GPR173: variants seen among roughly 807,000 people sequenced by gnomAD.
GPR173 encodes the protein G protein-coupled receptor 173, also known as probable G protein-coupled receptor 173.
GPR173 carries 2 observed loss-of-function variants against 13.9 expected under a neutral mutation model. The observed-to-expected ratio is 0.14, with a 90% CI of 0.06 to 0.45. The LOEUF (loss-of-function observed/expected upper bound fraction) is 0.45, where lower values mean the gene tolerates loss of function less well. Ranked by LOEUF, GPR173 falls within the 20% of genes least tolerant of loss-of-function variation. The probability of loss-of-function intolerance (pLI) is 0.98; values close to 1 mark genes in which losing one functional copy is unlikely to be tolerated. For missense variants in GPR173, 202 were observed against 340.5 expected (o/e 0.59, Z 3.20); for synonymous variants, 131 against 141.0 (o/e 0.93, Z 0.50).
intron 1 of GPR173, among the ~76,000 whole-genome samples, chrX:53,072,065 A>T (rs782503011): frequency 1.9e-5 from 2 of 105,938 alleles, no homozygotes; most frequent in Non-Finnish European, 3.9e-5. Flanking sequence ...TCTGCGGAGG[A>T]AAACCCTCTC....
chrX:53,065,394 G>C (rs1932172367), intron 1 of GPR173: 1 of 111,991 alleles, frequency 8.9e-6, no homozygotes, highest in Non-Finnish European at 1.9e-5. Flanking sequence ...ATAACATTTT[G>C]GTTTCTCAGA....
Position 53,077,442 on chromosome X carries a change from G to C in GPR173, c.821G>C (p.Gly274Ala), listed in dbSNP as rs781934001. Residue 274 changes from glycine (G) to alanine (A), a missense_variant, in exon 2 of 2, where the codon GGC (glycine) becomes GCC (alanine). By Grantham distance (60) the Gly-to-Ala change is moderately conservative. Transcript: ENST00000332582. ...CATGCAGCCAGCCGGCGGCTACTGG[G>C]CATGGACGAGGTCAAGGGTGAAAAG... ...NGHAASRRLL[G>A]MDEVKGEKQL... is the part of the protein sequence containing the mutation. 4.1e-6 allele frequency: 5 copies of C among 1,208,396 alleles called. No individual in the cohort carries two copies. The highest frequency in any genetic ancestry group is 5.6e-6 in the Non-Finnish European group (5 of 894,107).
chrX:53,074,799 A>ATT (rs1932401624), intron 1 of GPR173, among the ~76,000 whole-genome samples: 1 of 97,324 alleles, frequency 1.0e-5, no homozygotes, highest in Admixed American at 1.3e-4. Flanking sequence ...ATAAAATTAT[A>ATT]TATATATAAA....
chrX:53,060,014 TTATA>T lies in GPR173; in HGVS notation c.-98+10545_-98+10548del, dbSNP rs371575080. On this transcript the variant is annotated intron_variant, in intron 1 of 1. Coordinates refer to ENST00000332582, the MANE Select transcript of GPR173 (RefSeq NM_018969.6). Reference sequence around the variant, plus strand: ...AAAAAAAAACAAAACAAAGTGTATATTATATATATATATATATACACACACACAC... The same window carrying T: ...AAAAAAAAACAAAACAAAGTGTATATTATATATATATATACACACACACAC... 1.0e-4 allele frequency among the ~76,000 whole-genome samples: 10 copies of T among 98,726 alleles called. No individual in the cohort carries two copies. In the South Asian group the frequency reaches 2.7e-3, roughly 27 times the overall value. The allele number at this position is 98,726 out of a possible 115,157, so 85.7% of individuals were successfully genotyped here.
chrX:53,071,479 TAAAATC>T (rs1267859906), intron 1 of GPR173, among the ~76,000 whole-genome samples: 1 of 111,925 alleles, frequency 8.9e-6, no homozygotes, highest in Non-Finnish European at 1.9e-5. Flanking sequence ...CGGGGTATGT[TAAAATC>T]AAGAGAAAAA....
chrX:53,072,663 T>G (rs1932278055), intron 1 of GPR173, among the ~76,000 whole-genome samples: 1 of 110,679 alleles, frequency 9.0e-6, no homozygotes, highest in African/African-American at 3.3e-5. Context: ...TCTCTTACAT[T>G]CAGTCTCTGT....
rs1932434443 is a variant in GPR173, at chrX:53,076,533, T to C, written c.-89T>C. 2 of 683,705 alleles carry C rather than the reference T, an allele frequency of 2.9e-6. No individual in the cohort carries two copies. Among genetic ancestry groups the C allele is most frequent in the Non-Finnish European group, 4.3e-6 (2 of 461,231 alleles). 56.3% of individuals were successfully genotyped at this position (683,705 alleles called of 1,213,427 possible). ...CTCATTCCCATTTGCAGGTGCAATG[T>C]AGCAGGACAACTCATGGAGCCCCCC... On this transcript the variant is annotated 5_prime_UTR_variant, in exon 2 of 2. The change abolishes the stop of an existing upstream ORF in the 5' untranslated region. Transcript: ENST00000332582.
chrX:53,066,786 C>T (rs1365337229), intron 1 of GPR173, among the ~76,000 whole-genome samples: 1 of 111,070 alleles, frequency 9.0e-6, no homozygotes, highest in Non-Finnish European at 1.9e-5. Context: ...TAAAACAACA[C>T]GGAAGGGTGT....
intron 1 of GPR173, among the ~76,000 whole-genome samples, chrX:53,062,569 CTTCTTTTTTTTTT>C (rs1844111368): frequency 1.3e-5 from 1 of 74,671 alleles, no homozygotes; most frequent in African/African-American, 5.6e-5. Flanking sequence ...ACATTGTCTT[CTTCTTTTTTTTTT>C]TTTTTTTTTT....
chrX:53,049,759 G>T (rs1931927277), intron 1 of GPR173, among the ~76,000 whole-genome samples: 1 of 111,640 alleles, frequency 9.0e-6, no homozygotes, highest in South Asian at 3.7e-4. Context: ...TTGCGTTTGG[G>T]CATGAGGCTG....
intron 1 of GPR173, among the ~76,000 whole-genome samples, chrX:53,061,180 G>A (rs903457992): frequency 5.6e-5 from 6 of 106,403 alleles, no homozygotes; most frequent in East Asian, 5.9e-4. Flanking sequence ...CCGAGATTGC[G>A]CCACTGCACT....
chrX:53,063,232 G>GTGGA (rs1230041912), intron 1 of GPR173, among the ~76,000 whole-genome samples: 1 of 110,746 alleles, frequency 9.0e-6, no homozygotes, highest in Non-Finnish European at 1.9e-5. Flanking sequence ...TTAGCACCAT[G>GTGGA]TGGACACCAT....
intron 1 of GPR173, among the ~76,000 whole-genome samples, chrX:53,069,971 G>A (rs1445209802): frequency 1.8e-5 from 2 of 110,737 alleles, no homozygotes; most frequent in Non-Finnish European, 3.8e-5. Context: ...TATATCTATA[G>A]GTCTCTGAGG....
chrX:53,057,474 C>T (rs1932055721), intron 1 of GPR173, among the ~76,000 whole-genome samples: 1 of 103,942 alleles, frequency 9.6e-6, no homozygotes, highest in Non-Finnish European at 2.0e-5. Context: ...CATGGTGGCT[C>T]ACACCTGTAA....
At chrX:53,073,028 G>C (rs1556804958) in intron 1 of GPR173, among the ~76,000 whole-genome samples, 1 of 110,920 alleles carries the variant, frequency 9.0e-6, no homozygotes. Context: ...TTGGAGACCA[G>C]CCTGGCTAGC....
chrX:53,058,924 G>T (rs1358562221), intron 1 of GPR173, among the ~76,000 whole-genome samples: 1 of 107,063 alleles, frequency 9.3e-6, no homozygotes, highest in African/African-American at 3.5e-5. Flanking sequence ...TTTCGTAGAA[G>T]AAAGACTATT....
intron 1 of GPR173, among the ~76,000 whole-genome samples, chrX:53,071,841 C>T (rs914702879): frequency 2.7e-5 from 3 of 111,695 alleles, no homozygotes; most frequent in Admixed American, 1.9e-4. Context: ...TGTGTGAGTG[C>T]GTGTGCGTAT....
At chrX:53,056,037 T>C (rs1932031525) in intron 1 of GPR173, among the ~76,000 whole-genome samples, 1 of 108,720 alleles carries the variant, frequency 9.2e-6, no homozygotes, top group African/African-American at 3.4e-5. Flanking sequence ...ATGTGTGTCA[T>C]TGTGGGTGTG....
chrX:53,076,429 CCTGTCTCTCTCTTGCCCTCATCTCT>C (rs1345110228), intron 1 of GPR173, 71 bp from the exon 2 acceptor site: 36 of 370,029 alleles, frequency 9.7e-5, no homozygotes, highest in East Asian at 2.4e-4. Context: ...TGTTTTTCTG[CCTGTCTCTCTCTTGCCCTCATCTCT>C]CTGTCTCTCT....
Sources: gnomAD v4.1 joint callset for allele counts (sites outside exome capture counted in the v4.1 genomes callset) on GRCh38, gnomAD v4.1.1 for gene constraint, MANE v1.5 for transcripts, NCBI Gene and HGNC (gene_info 2026-07-23, HGNC 2026-07-21) for gene names.